Variants in GFUS observed in about 807,000 individuals in gnomAD.
GFUS encodes 3-5 epimerase/4-reductase.
In GFUS, 42 loss-of-function variants were observed where a neutral mutation model predicts 41.5. The observed-to-expected ratio is 1.01, with a 90% CI of 0.79 to 1.31. GFUS has a LOEUF of 1.31. Ranked by LOEUF, GFUS falls within the 50% of genes most tolerant of loss-of-function variation. GFUS has a pLI of 0.00. For missense variants in GFUS, 437 were observed against 428.7 expected (o/e 1.02, Z -0.17); for synonymous variants, 188 against 173.4 (o/e 1.08, Z -0.66).
chr8:143,617,501 CG>C lies in GFUS; in HGVS notation c.-40del, dbSNP rs1829758957. ...GCGTCCAGCCCCACCGCCGGCTCCCCGACAGCGGCTTCCGGCCGGGTGCGCT... is the reference window on the plus strand; with the variant it reads ...GCGTCCAGCCCCACCGCCGGCTCCCCACAGCGGCTTCCGGCCGGGTGCGCT... On this transcript the variant is annotated 5_prime_UTR_variant, in exon 1 of 11. Coordinates refer to ENST00000425753, the MANE Select transcript of GFUS (RefSeq NM_003313.4). The C allele has an allele frequency of 6.6e-6, 1 of 152,314 alleles. No homozygotes were observed. 9.4% of individuals were successfully genotyped at this position (152,314 alleles called of 1,614,324 possible).
chr8:143,613,601 C>G lies in GFUS; in HGVS notation c.733G>C (p.Gly245Arg), dbSNP rs1007214490. ...TTGATGGAGACCTCATCTTCCTCGC[C>G]CACTGTGGGGAGCCACCGGGTCAGG... ...NEVEPIILSVGEEDEVSIKEA... is the reference protein window; with the variant it reads ...NEVEPIILSVREEDEVSIKEA... Residue 245 changes from glycine to arginine, a missense_variant and splice_region_variant, in exon 9 of 11, where the codon GGC becomes CGC. Coordinates refer to ENST00000425753, the MANE Select transcript of GFUS (RefSeq NM_003313.4). 6 of 1,612,090 alleles carry G rather than the reference C, an allele frequency of 3.7e-6. No individual in the cohort carries two copies. In the South Asian group the frequency reaches 5.5e-5, roughly 15 times the overall value.
chr8:143,612,953 G>C lies in GFUS; in HGVS notation c.923C>G (p.Thr308Ser). The C allele has an allele frequency of 6.2e-7, 1 of 1,610,644 alleles. No individual in the cohort carries two copies. Among genetic ancestry groups the C allele is most frequent in the Middle Eastern group, 1.7e-4 (1 of 6,058 alleles). ...GTAGTTGTCAGTGAACCAAGCACAG[G>C]TCTCCTTCACCGCTGCAGAGGCAGG... ...FTPFKQAVKE[T>S]CAWFTDNYEQ... is the part of the protein sequence containing the mutation. Residue 308 changes from threonine to serine, a missense_variant, in exon 11 of 11, where the codon ACC (threonine) becomes AGC (serine). Physicochemically the swap from Thr to Ser is moderately conservative, Grantham distance 58 (BLOSUM62 1). Coordinates refer to ENST00000425753, the MANE Select transcript of GFUS (RefSeq NM_003313.4).
chr8:143,614,183 C>T lies in GFUS; in HGVS notation c.644G>A (p.Arg215Lys), dbSNP rs768031614. Residue 215 changes from arginine (R) to lysine (K), a missense_variant, in exon 7 of 11, where the codon AGG (arginine) becomes AAG (lysine). Physicochemically the swap from Arg to Lys is conservative, Grantham distance 26. Coordinates refer to ENST00000425753, the MANE Select transcript of GFUS (RefSeq NM_003313.4). ...LTVWGTGNPR[R>K]QFIYSLDLAQ... ...ACGCACCAGCGAGTATATGAACTGC[C>T]TCCGCGGATTCCCTGTACCCCACAC... The T allele has an allele frequency of 1.1e-5, 18 of 1,613,516 alleles. 1 individual carries two copies. The South Asian group carries it at 1.6e-4, about 15-fold the overall frequency.
rs1161769969 is a variant in GFUS at position 143,612,653 on chromosome 8, T to A, written c.*257A>T. 1.7e-6 allele frequency: 1 copy of A among 582,584 alleles called. No homozygotes were observed. Among genetic ancestry groups the A allele is most frequent in the Non-Finnish European group, 3.1e-6 (1 of 326,122 alleles). The allele number at this position is 582,584 out of a possible 1,614,324, so 36.1% of individuals were successfully genotyped here. On this transcript the variant is annotated 3_prime_UTR_variant, in exon 11 of 11. Coordinates refer to ENST00000425753, the MANE Select transcript of GFUS (RefSeq NM_003313.4). The stretch of plus-strand genomic sequence containing the variant: ...ATGCACTTTATTGGCTCCCAGGGAG[T>A]GGGATGCAGGATCAGAGTGGACACG...
intron 7 of GFUS, 65 bp downstream of exon 7, chr8:143,614,099 C>A (rs1295965151): frequency 1.3e-6 from 2 of 1,597,302 alleles, no homozygotes; most frequent in Non-Finnish European, 1.7e-6. Context: ...GACAGCCCAG[C>A]AGGGGCCAGC....
intron 8 of GFUS, 48 bp from the exon 9 acceptor site, chr8:143,613,651 C>G (rs778477367): frequency 6.2e-7 from 1 of 1,601,170 alleles, no homozygotes; most frequent in Non-Finnish European, 8.5e-7. Flanking sequence ...CACCCGACGG[C>G]CCATGAATAT....
chr8:143,613,896 C>T (rs796589758), intron 7 of GFUS, 79 bp from the exon 8 acceptor site: 3 of 1,452,104 alleles, frequency 2.1e-6, no homozygotes, highest in African/African-American at 1.4e-5. Flanking sequence ...GGAGTCCATA[C>T]TGCTGTCCTT....
chr8:143,614,964 G>A (rs368595300), intron 3 of GFUS, 49 bp from the exon 4 acceptor site: 3 of 1,550,860 alleles, frequency 1.9e-6, no homozygotes, highest in Non-Finnish European at 1.7e-6. Context: ...CCAGATCCCA[G>A]CCCTTACCTG....
rs373597106 is a variant in GFUS, at chr8:143,616,090, G to T, written c.261+16C>A. ...GATCCTGGTTTCCAGTGCTTGCTGG[G>T]GCCACCCTCACTTACCCAGAAGTCC... On this transcript the variant is annotated intron_variant, in intron 3 of 10. Transcript: ENST00000425753. 1.5e-5 allele frequency: 24 copies of T among 1,552,332 alleles called. No individual in the cohort carries two copies. The African/African-American group carries it at 3.0e-4, about 19-fold the overall frequency.
At chr8:143,613,358 C>T in intron 9 of GFUS, 63 bp from the exon 10 acceptor site, 1 of 1,555,296 alleles carries the variant, frequency 6.4e-7, no homozygotes, top group African/African-American at 1.4e-5. Flanking sequence ...GCAGCTTGCC[C>T]TTGAACCTCT....
chr8:143,614,844 G>A lies in GFUS; in HGVS notation c.333C>T (p.Ser111=), dbSNP rs1399930496. The change falls in exon 4 of 11, where the codon TCC becomes TCT. Residue 111 remains serine, a synonymous_variant. Coordinates refer to ENST00000425753, the MANE Select transcript of GFUS (RefSeq NM_003313.4). The part of the protein sequence containing the change: ...AFEVGARKVV[S]CLSTCIFPDK... ...CAGGGAAGATACAGGTGGACAGGCA[G>A]GACACCACCTTGCGGGCGCCCACCT... is the stretch of plus-strand genomic sequence containing the variant. The A allele has an allele frequency of 6.2e-7, 1 of 1,613,824 alleles. No homozygotes were observed. Among genetic ancestry groups the A allele is most frequent in the Admixed American group, 1.7e-5 (1 of 60,016 alleles).
At chr8:143,613,858 C>T (rs1587301192) in intron 7 of GFUS, 41 bp from the exon 8 acceptor site, 2 of 1,546,382 alleles carry the variant, frequency 1.3e-6, no homozygotes, top group South Asian at 1.2e-5. Flanking sequence ...ATGGGTATAG[C>T]CAACCCTCTC....
chr8:143,616,520 G>A, intron 2 of GFUS, 47 bp downstream of exon 2: 1 of 1,612,502 alleles, frequency 6.2e-7, no homozygotes, highest in Non-Finnish European at 8.5e-7. Context: ...TCTAGGGTGG[G>A]GGGTAGGATG....
rs534892030 is a variant in GFUS, at chr8:143,613,859, CA to C, written c.664-43del. The stretch of plus-strand genomic sequence containing the variant: ...CAGGGTCAGAGACCATGGGTATAGC[CA>C]ACCCTCTCCCAAACGCCCCTGCTGG... On this transcript the variant is annotated intron_variant, in intron 7 of 10. Transcript: ENST00000425753. The C allele has an allele frequency of 1.6e-4, 240 of 1,546,048 alleles. 1 individual carries two copies. In the African/African-American group the frequency reaches 2.9e-3, roughly 19 times the overall value.
chr8:143,617,700 T>TC (rs1277301480), upstream of GFUS: 3 of 151,610 alleles, frequency 2.0e-5, no homozygotes, highest in Non-Finnish European at 4.4e-5. Context: ...CGCGGGCGGG[T>TC]CCCCGGACGA....
rs770821801 is a variant in GFUS, at chr8:143,614,142, A to G, written c.663+22T>C. 3.1e-6 allele frequency: 5 copies of G among 1,611,598 alleles called. No homozygotes were observed. In the African/African-American group the frequency reaches 6.7e-5, roughly 22 times the overall value. On this transcript the variant is annotated intron_variant, in intron 7 of 10. Coordinates refer to ENST00000425753, the MANE Select transcript of GFUS (RefSeq NM_003313.4). Reference sequence around the variant, plus strand: ...TCAATAGGGCAGGTTCTCTGGGGAGAGCTGTGCCTTCCTTTACGCACCAGC... The same window carrying G: ...TCAATAGGGCAGGTTCTCTGGGGAGGGCTGTGCCTTCCTTTACGCACCAGC...
chr8:143,614,347 G>C lies in GFUS; in HGVS notation c.571C>G (p.Leu191Val), dbSNP rs768499081. ...NIEDGHVLPG[L>V]IHKVHLAKSS... ...TTGGCCAGGTGCACCTTGTGGATGAGGCCAGGCAGCACGTGGCCATCCTCG... is the reference window on the plus strand; with the variant it reads ...TTGGCCAGGTGCACCTTGTGGATGACGCCAGGCAGCACGTGGCCATCCTCG... Residue 191 changes from leucine (L) to valine (V), a missense_variant, in exon 6 of 11, where the codon CTC (leucine) becomes GTC (valine). Leu to Val is a conservative substitution (Grantham distance 32). Coordinates refer to ENST00000425753, the MANE Select transcript of GFUS (RefSeq NM_003313.4). 2 of 1,613,822 alleles carry C rather than the reference G, an allele frequency of 1.2e-6. No homozygotes were observed. The highest frequency in any genetic ancestry group is 1.1e-5 in the South Asian group (1 of 91,080).
chr8:143,616,239 T>C lies in GFUS; in HGVS notation c.147-19A>G. The C allele has an allele frequency of 1.2e-6, 2 of 1,611,610 alleles. No homozygotes were observed. The highest frequency in any genetic ancestry group is 1.7e-6 in the Non-Finnish European group (2 of 1,177,884). Reference sequence around the variant, plus strand: ...TGTATCCCTGTAGGAAGCCAGGCTGTCAGGAGGCTCTGGAGGGAACCAGCA... The same window carrying C: ...TGTATCCCTGTAGGAAGCCAGGCTGCCAGGAGGCTCTGGAGGGAACCAGCA... On this transcript the variant is annotated intron_variant, in intron 2 of 10. Transcript: ENST00000425753.
In GFUS at chr8:143,612,653, T is replaced by G; in HGVS notation, c.*257A>C. ...ATGCACTTTATTGGCTCCCAGGGAG[T>G]GGGATGCAGGATCAGAGTGGACACG... On this transcript the variant is annotated 3_prime_UTR_variant, in exon 11 of 11. Transcript: ENST00000425753. The G allele has an allele frequency of 3.4e-6, 2 of 582,702 alleles. No homozygotes were observed. Among genetic ancestry groups the G allele is most frequent in the Non-Finnish European group, 6.1e-6 (2 of 326,114 alleles). The allele number at this position is 582,702 out of a possible 1,614,324, so 36.1% of individuals were successfully genotyped here.
Sources: gnomAD v4.1 joint callset for allele counts on GRCh38, gnomAD v4.1.1 for gene constraint, MANE v1.5 for transcripts, NCBI Gene and HGNC (gene_info 2026-07-23, HGNC 2026-07-21) for gene names.